Variants in HAS3 observed in about 807,000 individuals in gnomAD.
HAS3 encodes HA synthase 3.
Under a neutral mutation model 50.3 loss-of-function variants are expected in HAS3, and 27 were observed. The ratio of observed to expected loss-of-function variants is 0.54; its 90% confidence interval spans 0.40 to 0.74. HAS3 has a LOEUF of 0.74. HAS3 is among the 30% of genes least tolerant of loss of function. The pLI is 0.00. For synonymous variants in HAS3, 339 were observed against 310.9 expected (o/e 1.09, Z -0.95); for missense variants, 517 against 742.8 (o/e 0.70, Z 3.53).
chr16:69,113,694 C>A (rs1277728007), intron 3 of HAS3, 152 bp downstream of exon 3: 2 of 592,662 alleles, frequency 3.4e-6, no homozygotes, highest in Non-Finnish European at 6.0e-6. Context: ...AGCTCGCCCC[C>A]CTCACTGCCC....
downstream of HAS3, among the ~76,000 whole-genome samples, chr16:69,117,819 G>A (rs1312010716): frequency 6.6e-6 from 1 of 152,090 alleles, no homozygotes; most frequent in Non-Finnish European, 1.5e-5. Context: ...TTAGTGTAGA[G>A]GGTCTTTGGT....
At position 69,114,324 on chromosome 16, in the gene HAS3, C is replaced by T. The variant is rs758128318; in HGVS notation, c.739-19C>T. On this transcript the variant is annotated intron_variant, in intron 3 of 3. Transcript: ENST00000569188. The surrounding 1 kb of genome is among the most constrained non-coding windows in gnomAD (Gnocchi z 6.4). Reference sequence around the variant, plus strand: ...GGACGTGCAACCTTAGGAGGCCCAGCATCTCTATTCCCTTGCAGATCCTCA... The same window carrying T: ...GGACGTGCAACCTTAGGAGGCCCAGTATCTCTATTCCCTTGCAGATCCTCA... 65 of 1,570,202 alleles carry T rather than the reference C, an allele frequency of 4.1e-5. No homozygotes were observed. In the South Asian group the frequency reaches 7.0e-4, roughly 17 times the overall value.
In HAS3 at chr16:69,109,299, T is replaced by C. The variant is rs1960912930; in HGVS notation, c.1-97T>C. 8.0e-7 allele frequency: 1 copy of C among 1,248,306 alleles called. No homozygotes were observed. Among genetic ancestry groups the C allele is most frequent in the African/African-American group, 1.5e-5 (1 of 67,032 alleles). The allele number at this position is 1,248,306 out of a possible 1,614,324, so 77.3% of individuals were successfully genotyped here. On this transcript the variant is annotated intron_variant, in intron 1 of 3. Coordinates refer to ENST00000569188, the MANE Select transcript of HAS3 (RefSeq NM_001199280.2). This position sits in a 1 kb window ranked among gnomAD's most constrained non-coding sequence, Gnocchi z 5.3. ...AGTAAGCGGTAACGGTTTTGATCAG[T>C]GGGTCATGTCCACTAGTAACAGAGA...
Position 69,116,167 on chromosome 16 carries a change from C to G in HAS3, c.*901C>G, listed in dbSNP as rs1961171569. The G allele has an allele frequency of 1.3e-5, 13 of 985,332 alleles. No homozygotes were observed. Among genetic ancestry groups the G allele is most frequent in the Non-Finnish European group, 1.6e-5 (13 of 829,796 alleles). 61.0% of individuals were successfully genotyped at this position (985,332 alleles called of 1,614,324 possible). On this transcript the variant is annotated 3_prime_UTR_variant, in exon 4 of 4. Transcript: ENST00000569188. ...AATTCCTCTCAAATTCAGCTCTGAT[C>G]TGAGGCTAAGACACACTCCCCACTT... is the stretch of plus-strand genomic sequence containing the variant.
rs1386036906 is a variant in HAS3, at chr16:69,114,753, A to C, written c.1149A>C (p.Ser383=). 1 of 1,614,138 alleles carries C rather than the reference A, an allele frequency of 6.2e-7. No individual in the cohort carries two copies. The highest frequency in any genetic ancestry group is 8.5e-7 in the Non-Finnish European group (1 of 1,180,024). The stretch of plus-strand genomic sequence containing the variant: ...ACCACCTCTGGATGACCTACGAGTC[A>C]GTGGTCACGGGTTTCTTCCCCTTCT... ...HKHHLWMTYE[S]VVTGFFPFFL... The change falls in exon 4 of 4, where the codon TCA becomes TCC. Residue 383 remains serine, a synonymous_variant. Transcript: ENST00000569188. The surrounding 1 kb of genome is among the most constrained non-coding windows in gnomAD (Gnocchi z 6.4).
Position 69,113,501 on chromosome 16 carries a change from G to C in HAS3, c.697G>C (p.Glu233Gln). The C allele has an allele frequency of 6.2e-7, 1 of 1,613,512 alleles. No homozygotes were observed. The highest frequency in any genetic ancestry group is 8.5e-7 in the Non-Finnish European group (1 of 1,179,588). ...ACTIEMLRVL[E>Q]EDPQVGGVGG... The stretch of plus-strand genomic sequence containing the variant: ...CACCATCGAGATGCTTCGAGTCCTG[G>C]AGGAGGATCCCCAAGTAGGGGGAGT... The change falls in exon 3 of 4, where the codon GAG (glutamate) becomes CAG (glutamine). Residue 233 changes from glutamate to glutamine, a missense_variant. Coordinates refer to ENST00000569188, the MANE Select transcript of HAS3 (RefSeq NM_001199280.2).
the HAS3 span, among the ~76,000 whole-genome samples, chr16:69,099,787 A>C: frequency 1.3e-5 from 2 of 151,912 alleles, no homozygotes; most frequent in African/African-American, 4.8e-5. Context: ...ATATTCCACT[A>C]AAAAGATAAG....
At chr16:69,099,812 T>G in the HAS3 span, among the ~76,000 whole-genome samples, 2 of 151,482 alleles carry the variant, frequency 1.3e-5, no homozygotes, top group African/African-American at 4.9e-5. Context: ...GAAAATTGCC[T>G]TCTGGGTTTT....
chr16:69,089,797 T>A, the HAS3 span, among the ~76,000 whole-genome samples: 1 of 152,102 alleles, frequency 6.6e-6, no homozygotes, highest in East Asian at 1.9e-4. Context: ...TCATAGGGAG[T>A]CCGTAGCTCC....
the HAS3 span, among the ~76,000 whole-genome samples, chr16:69,096,678 C>T: frequency 8.0e-5 from 10 of 125,066 alleles, no homozygotes; most frequent in African/African-American, 2.2e-4. Flanking sequence ...AGTGCAGTGG[C>T]GCCATCTCGG....
downstream of HAS3, chr16:69,118,127 A>ACCCCCCC: frequency 7.2e-6 from 1 of 138,046 alleles, no homozygotes; most frequent in Non-Finnish European, 1.4e-5. Context: ...TTCATCCCCC[A>ACCCCCCC]CCCCCACCCT....
At chr16:69,094,731 CT>C in the HAS3 span, among the ~76,000 whole-genome samples, 3 of 152,146 alleles carry the variant, frequency 2.0e-5, no homozygotes, top group Admixed American at 2.0e-4. Flanking sequence ...CAGTTCTGTC[CT>C]CCTACAGACA....
chr16:69,095,186 T>C, the HAS3 span, among the ~76,000 whole-genome samples: 1 of 152,264 alleles, frequency 6.6e-6, no homozygotes, highest in African/African-American at 2.4e-5. Flanking sequence ...GGTTTCGCCA[T>C]GTTGGCCAGG....
At position 69,116,801 on chromosome 16, in the gene HAS3, T is replaced by A; in HGVS notation, c.*1535T>A. ...TAAAACCTGGGATCCTGACTAAGCC[T>A]TTGACTTAAGGGTTGCTTGCTTGCC... is the stretch of plus-strand genomic sequence containing the variant. On this transcript the variant is annotated 3_prime_UTR_variant, in exon 4 of 4. Coordinates refer to ENST00000569188, the MANE Select transcript of HAS3 (RefSeq NM_001199280.2). 2 of 985,426 alleles carry A rather than the reference T, an allele frequency of 2.0e-6. No homozygotes were observed. Among genetic ancestry groups the A allele is most frequent in the Non-Finnish European group, 2.4e-6 (2 of 829,918 alleles). 61.0% of individuals were successfully genotyped at this position (985,426 alleles called of 1,614,324 possible).
Position 69,117,128 on chromosome 16 carries a change from T to C in HAS3, c.*1862T>C. On this transcript the variant is annotated 3_prime_UTR_variant, in exon 4 of 4. Transcript: ENST00000569188. ...GGCAGCAGGCATTTGCTAAGGCAGC[T>C]GATCCAGGCAATCGTTCTGCTGGCC... 1.0e-6 allele frequency: 1 copy of C among 985,834 alleles called. No homozygotes were observed. Among genetic ancestry groups the C allele is most frequent in the South Asian group, 4.7e-5 (1 of 21,290 alleles). 61.1% of individuals were successfully genotyped at this position (985,834 alleles called of 1,614,324 possible).
rs1282514233 is a variant in HAS3 at position 69,105,696 on chromosome 16, T to A, written c.-92T>A. On this transcript the variant is annotated 5_prime_UTR_variant, in exon 1 of 4. Coordinates refer to ENST00000569188, the MANE Select transcript of HAS3 (RefSeq NM_001199280.2). Reference sequence around the variant, plus strand: ...TTTCCTGCCAGCAGGAAGGTTTTGCTGCCTTGGCTTTCGGGAGCCCCCTAG... The same window carrying A: ...TTTCCTGCCAGCAGGAAGGTTTTGCAGCCTTGGCTTTCGGGAGCCCCCTAG... 6.6e-6 allele frequency: 1 copy of A among 152,282 alleles called. No homozygotes were observed. The highest frequency in any genetic ancestry group is 2.4e-5 in the African/African-American group (1 of 41,468). 9.4% of individuals were successfully genotyped at this position (152,282 alleles called of 1,614,324 possible).
intron 3 of HAS3, 100 bp downstream of exon 3, chr16:69,113,642 TG>T (rs1326736430): frequency 5.7e-6 from 4 of 705,800 alleles, no homozygotes; most frequent in Non-Finnish European, 7.3e-6. Context: ...TTCCTAGTAT[TG>T]GGGGGAGGTT....
chr16:69,098,185 C>T, the HAS3 span, among the ~76,000 whole-genome samples: 2 of 152,088 alleles, frequency 1.3e-5, no homozygotes, highest in African/African-American at 4.8e-5. Context: ...AGATCGAGAC[C>T]ACAGTGAAAC....
chr16:69,118,679 A>G (rs1597104794), downstream of HAS3: 2 of 675,666 alleles, frequency 3.0e-6, no homozygotes, highest in East Asian at 2.7e-5. Flanking sequence ...CATGCCACAA[A>G]TAACATCTCA....
Sources: gnomAD v4.1 joint callset for allele counts (sites outside exome capture counted in the v4.1 genomes callset) on GRCh38, gnomAD v4.1.1 for gene constraint, Gnocchi (gnomAD v3.1) non-coding constraint, MANE v1.5 for transcripts, NCBI Gene and HGNC (gene_info 2026-07-23, HGNC 2026-07-21) for gene names.